CADM2: variants seen among roughly 807,000 people sequenced by gnomAD.
The protein encoded by CADM2 is immunoglobulin superfamily member 4D.
In CADM2, 12 loss-of-function variants were observed where a neutral mutation model predicts 49.8. That is an observed-to-expected ratio of 0.24 (90% confidence interval 0.15 to 0.39). The LOEUF is 0.39. Among genes scored for constraint, CADM2 ranks in the 10% least tolerant of loss-of-function variants. The pLI, the probability that CADM2 is intolerant of heterozygous loss-of-function variation, is 1.00. For missense variants in CADM2, 378 were observed against 492.3 expected, an observed-to-expected ratio of 0.77 and a Z score of 2.20; for synonymous variants, 214 against 175.4, an observed-to-expected ratio of 1.22 and a Z score of -1.74.
At chr3:85,768,732 C>CACATATATACACATATAT (rs2069815979) in intron 2 of CADM2, among the ~76,000 whole-genome samples, 4 of 132,310 alleles carry the variant, frequency 3.0e-5, no homozygotes, top group Non-Finnish European at 6.0e-5. Flanking sequence ...AGTATATATA[C>CACATATATACACATATAT]ACATATATAC....
intron 6 of CADM2, among the ~76,000 whole-genome samples, chr3:85,918,176 A>T (rs565889641): frequency 6.6e-6 from 1 of 152,254 alleles, no homozygotes; most frequent in South Asian, 2.1e-4. Flanking sequence ...CCTGGCCAGA[A>T]CTTCCAACAC....
intron 1 of CADM2, among the ~76,000 whole-genome samples, chr3:85,456,742 G>A (rs1272396389): frequency 6.6e-6 from 1 of 151,754 alleles, no homozygotes; most frequent in Non-Finnish European, 1.5e-5. Flanking sequence ...ACTTTTTTCA[G>A]TGACAGGACA....
chr3:85,997,687 G>A (rs1729594744), intron 8 of CADM2, among the ~76,000 whole-genome samples: 1 of 152,118 alleles, frequency 6.6e-6, no homozygotes, highest in Non-Finnish European at 1.5e-5. Context: ...AAAAGATGAT[G>A]TTTTCACGTT....
intron 1 of CADM2, among the ~76,000 whole-genome samples, chr3:85,659,053 A>AAATAATAATAATAATAATAATAAT (rs71112106): frequency 7.1e-6 from 1 of 140,070 alleles, no homozygotes; most frequent in African/African-American, 2.7e-5. Context: ...CTCTGTCTCT[A>AAATAATAATAATAATAATAATAAT]AATAATAATA....
At chr3:85,484,664 C>T (rs2039345084) in intron 1 of CADM2, among the ~76,000 whole-genome samples, 1 of 151,880 alleles carries the variant, frequency 6.6e-6, no homozygotes, top group Admixed American at 6.6e-5. Context: ...CGTATTCCTG[C>T]TTTCTTACCG....
intron 1 of CADM2, among the ~76,000 whole-genome samples, chr3:85,508,829 G>T (rs2040478582): frequency 1.9e-5 from 1 of 52,698 alleles, no homozygotes; most frequent in Admixed American, 2.6e-4. Flanking sequence ...GGATATCTCT[G>T]TGTGTGTATG....
At chr3:85,508,178 C>G (rs952224361) in intron 1 of CADM2, among the ~76,000 whole-genome samples, 1 of 152,086 alleles carries the variant, frequency 6.6e-6, no homozygotes, top group Non-Finnish European at 1.5e-5. Flanking sequence ...TCCATGAGCA[C>G]GTATTGTTTT....
intron 1 of CADM2, among the ~76,000 whole-genome samples, chr3:85,115,233 T>C (rs752681315): frequency 6.6e-5 from 10 of 152,120 alleles, no homozygotes; most frequent in Non-Finnish European, 1.2e-4. Flanking sequence ...TGACAGTCAA[T>C]CTGAGAAGGA....
intron 1 of CADM2, among the ~76,000 whole-genome samples, chr3:85,666,873 G>A (rs539934132): frequency 2.0e-5 from 3 of 152,016 alleles, no homozygotes; most frequent in Admixed American, 6.6e-5. Flanking sequence ...TTTCCTGCAC[G>A]CCATCACCAG....
At chr3:85,592,791 G>T (rs1296663859) in intron 1 of CADM2, among the ~76,000 whole-genome samples, 1 of 151,820 alleles carries the variant, frequency 6.6e-6, no homozygotes, top group Admixed American at 6.6e-5. Context: ...TGCCATGGTG[G>T]TTTGCTGCAC....
chr3:85,138,599 C>T (rs1056273794), intron 1 of CADM2, among the ~76,000 whole-genome samples: 4 of 152,052 alleles, frequency 2.6e-5, no homozygotes, highest in African/African-American at 4.8e-5. Flanking sequence ...CCATATTATA[C>T]TATACTAGTA....
At chr3:85,061,443 T>C (rs927007559) in intron 1 of CADM2, among the ~76,000 whole-genome samples, 4 of 152,178 alleles carry the variant, frequency 2.6e-5, no homozygotes, top group Admixed American at 6.5e-5. Context: ...TAAGAAAGGA[T>C]ATAGTTTTAC....
intron 1 of CADM2, among the ~76,000 whole-genome samples, chr3:85,207,126 A>T (rs143725199): frequency 3.3e-4 from 50 of 152,002 alleles, no homozygotes; most frequent in African/African-American, 1.1e-3. Context: ...TTCAAAATTT[A>T]GAGTTTGTTC....
chr3:85,829,643 G>C (rs1008659980), intron 3 of CADM2, among the ~76,000 whole-genome samples: 2 of 151,900 alleles, frequency 1.3e-5, no homozygotes, highest in Non-Finnish European at 2.9e-5. Flanking sequence ...CTAGCTGAAA[G>C]TTTCTATTCT....
intron 1 of CADM2, among the ~76,000 whole-genome samples, chr3:85,155,056 A>C (rs1448273662): frequency 1.3e-5 from 2 of 148,704 alleles, no homozygotes; most frequent in Non-Finnish European, 1.5e-5. Flanking sequence ...ACCAGCTAAC[A>C]TCATAATGAC....
At chr3:84,984,459 C>T (rs919899012) in intron 1 of CADM2, among the ~76,000 whole-genome samples, 12 of 148,198 alleles carry the variant, frequency 8.1e-5, no homozygotes, top group African/African-American at 2.5e-4. Flanking sequence ...TTTATATGGC[C>T]TTTTCTTTTC....
At chr3:85,703,104 T>A (rs1054051838) in intron 1 of CADM2, among the ~76,000 whole-genome samples, 5 of 152,130 alleles carry the variant, frequency 3.3e-5, no homozygotes, top group Non-Finnish European at 5.9e-5. Context: ...TATATGTATG[T>A]TTTCAAGACA....
intron 1 of CADM2, among the ~76,000 whole-genome samples, chr3:85,085,872 C>T (rs2037349757): frequency 6.6e-6 from 1 of 152,026 alleles, no homozygotes; most frequent in Admixed American, 6.6e-5. Flanking sequence ...ATGAGCAGCA[C>T]ATTTGATCAC....
chr3:85,704,952 G>A (rs1273625951), intron 1 of CADM2, among the ~76,000 whole-genome samples: 5 of 150,068 alleles, frequency 3.3e-5, no homozygotes, highest in Admixed American at 6.6e-5. Flanking sequence ...TCCGCCTCCC[G>A]GGTTCACGCC....
Sources: allele counts gnomAD v4.1 joint callset (sites outside exome capture counted in the v4.1 genomes callset), GRCh38; gene constraint gnomAD v4.1.1; transcripts MANE v1.5; gene names NCBI Gene and HGNC (gene_info 2026-07-23, HGNC 2026-07-21).